CEP128: variants seen among roughly 807,000 people sequenced by gnomAD.
CEP128 encodes the protein centrosomal protein 128, also known as centrosomal protein 128kDa.
Under a neutral mutation model 156.7 loss-of-function variants are expected in CEP128, and 132 were observed. The ratio of observed to expected loss-of-function variants is 0.84; its 90% CI spans 0.73 to 0.97. CEP128 has a LOEUF of 0.97. CEP128 is among the 50% of genes least tolerant of loss of function. CEP128 has a pLI of 0.00. For missense variants in CEP128, 1,252 were observed against 1,281.9 expected (o/e 0.98, Z 0.36); for synonymous variants, 469 against 448.9 (o/e 1.04, Z -0.57).
At chr14:80,668,802 C>T (rs1005528084) in intron 19 of CEP128, among the ~76,000 whole-genome samples, 8 of 152,098 alleles carry the variant, frequency 5.3e-5, no homozygotes, top group South Asian at 2.1e-4. Context: ...GGGAGGGACC[C>T]GTGGGAGGTA....
rs757600524 is a variant in CEP128, at chr14:80,732,278, T to C, written c.2806+10797A>G. 5.5e-4 allele frequency among the ~76,000 whole-genome samples: 84 copies of C among 151,868 alleles called. 1 individual carries two copies. The highest frequency in any genetic ancestry group is 9.2e-4 in the Admixed American group (14 of 15,248). The stretch of plus-strand genomic sequence containing the variant: ...GCAATGGAGTGGTAAAACAAAAAAA[T>C]TGCACTAGCAAACATGATAAAAAGG... On this transcript the variant is annotated intron_variant, in intron 19 of 24. Transcript: ENST00000555265.
chr14:80,627,454 A>G (rs142132064), intron 19 of CEP128, among the ~76,000 whole-genome samples: 220 of 152,356 alleles, frequency 1.4e-3, no homozygotes, highest in Non-Finnish European at 2.3e-3. Flanking sequence ...ACCTATGTAC[A>G]GTACCTCATT....
At chr14:80,732,519 T>TGTGTGG (rs1898328178) in intron 19 of CEP128, among the ~76,000 whole-genome samples, 2 of 148,272 alleles carry the variant, frequency 1.3e-5, no homozygotes, top group African/African-American at 2.5e-5. Flanking sequence ...TGTGTGTGTG[T>TGTGTGG]GGTTTCTCCA....
intron 1 of CEP128, among the ~76,000 whole-genome samples, chr14:80,959,097 T>C (rs78159690): frequency 0.018 from 2,693 of 152,298 alleles, 26 homozygotes; most frequent in Middle Eastern, 0.054. Context: ...GTCTTATGGA[T>C]GCAGGGGAGA....
intron 24 of CEP128, 81 bp from the exon 25 acceptor site, chr14:80,497,663 T>C: frequency 1.2e-6 from 1 of 837,592 alleles, no homozygotes; most frequent in Non-Finnish European, 2.0e-6. Context: ...CAGAAGGTAG[T>C]TAATGTATCA....
intron 12 of CEP128, 112 bp from the exon 13 acceptor site, chr14:80,831,406 A>C: frequency 8.7e-7 from 1 of 1,144,596 alleles, no homozygotes; most frequent in Non-Finnish European, 1.2e-6. Context: ...TAATCCATTT[A>C]TTGACAGTTA....
At chr14:80,563,550 T>TTTTTTTTTTGTTTTG (rs869235269) in intron 20 of CEP128, among the ~76,000 whole-genome samples, 1 of 127,360 alleles carries the variant, frequency 7.9e-6, no homozygotes, top group Admixed American at 7.8e-5. Context: ...TTTTTTTTTT[T>TTTTTTTTTTGTTTTG]GAGATGGAAT....
chr14:80,919,969 T>C (rs1006649864), intron 2 of CEP128, among the ~76,000 whole-genome samples: 2 of 152,236 alleles, frequency 1.3e-5, no homozygotes, highest in Non-Finnish European at 2.9e-5. Flanking sequence ...GAAATTTGCA[T>C]GGCTTTTTTT....
intron 23 of CEP128, 121 bp downstream of exon 23, chr14:80,526,748 T>A (rs535030662): frequency 1.1e-4 from 62 of 545,404 alleles, no homozygotes; most frequent in African/African-American, 1.0e-3. Flanking sequence ...ATTTAATATA[T>A]CAAGGAAAAT....
chr14:80,861,141 A>C (rs1887493201), intron 9 of CEP128, among the ~76,000 whole-genome samples: 1 of 151,980 alleles, frequency 6.6e-6, no homozygotes, highest in East Asian at 1.9e-4. Flanking sequence ...AGGAATCATA[A>C]AAAAATTTTT....
chr14:80,745,282 T>C (rs1899040984), intron 18 of CEP128, among the ~76,000 whole-genome samples: 1 of 152,116 alleles, frequency 6.6e-6, no homozygotes, highest in Admixed American at 6.6e-5. Context: ...GATTGTAAGT[T>C]TCCTGAGGCC....
At chr14:80,538,149 A>T (rs1484535555) in intron 21 of CEP128, among the ~76,000 whole-genome samples, 1 of 149,324 alleles carries the variant, frequency 6.7e-6, no homozygotes, top group Non-Finnish European at 1.5e-5. Flanking sequence ...CAAACAGCAG[A>T]TTTTTTTTTT....
intron 19 of CEP128, among the ~76,000 whole-genome samples, chr14:80,632,845 T>C (rs1455892264): frequency 1.3e-5 from 2 of 152,164 alleles, no homozygotes; most frequent in Non-Finnish European, 2.9e-5. Context: ...ATGTGAGTTA[T>C]TTTCCAACAT....
intron 2 of CEP128, 22 bp from the exon 3 acceptor site, chr14:80,916,584 A>C (rs778774679): frequency 6.4e-7 from 1 of 1,572,826 alleles, no homozygotes; most frequent in South Asian, 1.1e-5. Flanking sequence ...ATATAGGTCA[A>C]AGTTAATGAA....
intron 8 of CEP128, among the ~76,000 whole-genome samples, chr14:80,872,747 G>A (rs1484359061): frequency 6.6e-6 from 1 of 152,176 alleles, no homozygotes; most frequent in Non-Finnish European, 1.5e-5. Flanking sequence ...CATCTTCTCT[G>A]ACAGCAGGTT....
chr14:80,843,389 C>T (rs1886436971), intron 9 of CEP128, among the ~76,000 whole-genome samples: 1 of 152,042 alleles, frequency 6.6e-6, no homozygotes, highest in Non-Finnish European at 1.5e-5. Flanking sequence ...AGTTGCACAC[C>T]TTTGGTCACA....
intron 19 of CEP128, among the ~76,000 whole-genome samples, chr14:80,724,998 C>CAT (rs376126480): frequency 0.032 from 4,640 of 143,756 alleles, 239 homozygotes; most frequent in African/African-American, 0.11. Context: ...ATACATATAT[C>CAT]ATATATATAT....
At chr14:80,797,854 C>T (rs1346767413) in intron 13 of CEP128, among the ~76,000 whole-genome samples, 2 of 152,110 alleles carry the variant, frequency 1.3e-5, no homozygotes, top group African/African-American at 2.4e-5. Flanking sequence ...TAATGCACTA[C>T]ATGAAATGCT....
At chr14:80,831,359 A>C (rs1885788718) in intron 12 of CEP128, 65 bp from the exon 13 acceptor site, 5 of 1,493,892 alleles carry the variant, frequency 3.3e-6, no homozygotes, top group Non-Finnish European at 4.6e-6. Context: ...ACTTTCAAAT[A>C]GTACTGAGCC....
Sources: allele counts gnomAD v4.1 joint callset (sites outside exome capture counted in the v4.1 genomes callset), GRCh38; gene constraint gnomAD v4.1.1; transcripts MANE v1.5; gene names NCBI Gene and HGNC (gene_info 2026-07-23, HGNC 2026-07-21).